C2orf81: variants seen among roughly 807,000 people sequenced by gnomAD.
The protein encoded by C2orf81 is chromosome 2 open reading frame 81.
A neutral mutation model predicts 7.9 loss-of-function variants in C2orf81; 5 were observed. The observed-to-expected ratio is 0.63, with a 90% confidence interval of 0.33 to 1.33. The LOEUF is 1.33. Among genes scored for constraint, C2orf81 ranks in the 40% most tolerant of loss-of-function variants. C2orf81 has a pLI of 0.05. For missense variants in C2orf81, 781 were observed against 830.4 expected (o/e 0.94, Z 0.73); for synonymous variants, 346 against 367.4 (o/e 0.94, Z 0.66).
At chr2:74,418,355 G>T (rs775971834) in intron 1 of C2orf81, 5 of 1,601,014 alleles carry the variant, frequency 3.1e-6, no homozygotes, top group Non-Finnish European at 4.3e-6. Context: ...GGCTGCTTGC[G>T]CGGCCTGCCA....
rs769489963 is a variant in C2orf81 at position 74,414,374 on chromosome 2, G to T, written c.1803C>A (p.Pro601=). 9.2e-6 allele frequency: 14 copies of T among 1,519,076 alleles called. No homozygotes were observed. The highest frequency in any genetic ancestry group is 4.4e-6 in the Non-Finnish European group (5 of 1,127,674). The allele number at this position is 1,519,076 out of a possible 1,614,324, so 94.1% of individuals were successfully genotyped here. Residue 601 remains proline, a synonymous_variant, in exon 3 of 3, where the codon CCC becomes CCA. Transcript: ENST00000684111. The surrounding 1 kb of genome is among the most constrained non-coding windows in gnomAD (Gnocchi z 5.3). ...QEDKEGSTFP[P]VEQHPIQTGA... ...CTGTCTGGATGGGATGTTGCTCAAC[G>T]GGAGGAAAGGTGCTACCTTCTTTGT...
intron 1 of C2orf81, chr2:74,417,248 TG>T: frequency 2.0e-6 from 1 of 503,522 alleles, no homozygotes; most frequent in Non-Finnish European, 3.2e-6. Flanking sequence ...GGGCTGGGAG[TG>T]GGAAGGGTGA....
rs1469206564 is a variant in C2orf81, at chr2:74,414,303, T to G, written c.*26A>C. The G allele has an allele frequency of 4.2e-6, 6 of 1,442,096 alleles. No individual in the cohort carries two copies. The highest frequency in any genetic ancestry group is 4.6e-6 in the Non-Finnish European group (5 of 1,089,710). 89.3% of individuals were successfully genotyped at this position (1,442,096 alleles called of 1,614,324 possible). On this transcript the variant is annotated 3_prime_UTR_variant, in exon 3 of 3. Coordinates refer to ENST00000684111, the MANE Select transcript of C2orf81 (RefSeq NM_001316764.3). This position sits in a 1 kb window ranked among gnomAD's most constrained non-coding sequence, Gnocchi z 5.3. ...AGGAGCGTGACCACACTTTGGGGGC[T>G]GAGTTCTTCATTAGCTGTGCTACGG...
intron 1 of C2orf81, chr2:74,418,589 G>C: frequency 1.6e-6 from 1 of 644,504 alleles, no homozygotes; most frequent in Non-Finnish European, 2.8e-6. Flanking sequence ...GCCCCTGGTC[G>C]CAAATGCGGA....
intron 1 of C2orf81, among the ~76,000 whole-genome samples, chr2:74,420,772 C>CTTCTT (rs1447897460): frequency 2.8e-5 from 2 of 72,678 alleles, no homozygotes; most frequent in East Asian, 5.2e-4. Flanking sequence ...TCTTCTTCTT[C>CTTCTT]TTTTTTTTTT....
chr2:74,417,331 G>A lies in C2orf81; in HGVS notation c.19-1090C>T, dbSNP rs544985673. 2.3e-4 allele frequency: 303 copies of A among 1,296,586 alleles called. 1 individual carries two copies. The highest frequency in any genetic ancestry group is 7.5e-4 in the African/African-American group (49 of 65,714). 80.3% of individuals were successfully genotyped at this position (1,296,586 alleles called of 1,614,324 possible). ...TGGTAGAAGCAAAGTAGGGTTGGGG[G>A]AGCAGCCCCAGCCCACCTCAGGTAG... On this transcript the variant is annotated intron_variant, in intron 1 of 2. Transcript: ENST00000684111.
chr2:74,418,262 G>T, intron 1 of C2orf81: 1 of 1,602,448 alleles, frequency 6.2e-7, no homozygotes, highest in Non-Finnish European at 8.5e-7. Context: ...CTTCCCTTTG[G>T]TCGGCCCCGA....
In C2orf81 at chr2:74,415,756, C is replaced by A; in HGVS notation, c.421G>T (p.Val141Leu). The change falls in exon 3 of 3, where the codon GTG becomes TTG. Residue 141 changes from valine to leucine, a missense_variant. Physicochemically the swap from Val to Leu is conservative, Grantham distance 32. Coordinates refer to ENST00000684111, the MANE Select transcript of C2orf81 (RefSeq NM_001316764.3). This position sits in a 1 kb window ranked among gnomAD's most constrained non-coding sequence, Gnocchi z 5.5. ...CCCTCCGAGGTGGACGCGTGCAGCA[C>A]GGGCACTGAACCCTGAGCCCAGGAG... is the stretch of plus-strand genomic sequence containing the variant. The part of the protein sequence containing the change: ...TDSWAQGSVP[V>L]LHASTSEGLE... 6.4e-7 allele frequency: 1 copy of A among 1,551,610 alleles called. No individual in the cohort carries two copies. Among genetic ancestry groups the A allele is most frequent in the Non-Finnish European group, 8.7e-7 (1 of 1,147,012 alleles).
At chr2:74,417,768 G>A (rs2103837648) in intron 1 of C2orf81, 1 of 508,548 alleles carries the variant, frequency 2.0e-6, no homozygotes, top group Non-Finnish European at 3.5e-6. Flanking sequence ...GCAGAGAAGT[G>A]GCTCCCAAAC....
At chr2:74,420,116 GA>G (rs1280214715) in intron 1 of C2orf81, among the ~76,000 whole-genome samples, 1 of 152,196 alleles carries the variant, frequency 6.6e-6, no homozygotes, top group Non-Finnish European at 1.5e-5. Context: ...AACGTTAATT[GA>G]AAGAAGCAGG....
Position 74,416,231 on chromosome 2 carries a change from C to T in C2orf81, c.29G>A (p.Arg10Lys), listed in dbSNP as rs1427108443. ...GGTCACCCCGCGGTCTCGGACCTGC[C>T]TCTCCTGCCTCTGTGAGAACAAAAC... MAHEGSRQE[R>K]QVRDRGVTRS... Residue 10 changes from arginine to lysine, a missense_variant, in exon 2 of 3, where the codon AGG becomes AAG. Arg to Lys is a conservative substitution (Grantham distance 26). Transcript: ENST00000684111. The T allele has an allele frequency of 5.1e-6, 7 of 1,373,028 alleles. No individual in the cohort carries two copies. Among genetic ancestry groups the T allele is most frequent in the East Asian group, 4.1e-5 (1 of 24,674 alleles). The allele number at this position is 1,373,028 out of a possible 1,614,324, so 85.1% of individuals were successfully genotyped here. A position where few individuals can be genotyped will look rare whatever the true frequency, so the allele number is the denominator to read the frequency against.
intron 1 of C2orf81, among the ~76,000 whole-genome samples, chr2:74,419,250 C>G (rs531623675): frequency 1.3e-5 from 2 of 152,030 alleles, no homozygotes; most frequent in African/African-American, 4.8e-5. Flanking sequence ...GTGGCGCACA[C>G]CCACAGTACC....
rs545383735 is a variant in C2orf81, at chr2:74,417,770, C to T, written c.19-1529G>A. 5.0e-4 allele frequency: 253 copies of T among 508,272 alleles called. 3 individuals are homozygous for T. The highest frequency in any genetic ancestry group is 3.2e-3 in the South Asian group (187 of 58,486). 31.5% of individuals were successfully genotyped at this position (508,272 alleles called of 1,614,324 possible). A position where few individuals can be genotyped will look rare whatever the true frequency, so the allele number is the denominator to read the frequency against. On this transcript the variant is annotated intron_variant, in intron 1 of 2. Transcript: ENST00000684111. Reference sequence around the variant, plus strand: ...CAACAGTGGAGGAGCAGAGAAGTGGCTCCCAAACCAAAAGCCCAGAGAGCA... The same window carrying T: ...CAACAGTGGAGGAGCAGAGAAGTGGTTCCCAAACCAAAAGCCCAGAGAGCA...
intron 1 of C2orf81, among the ~76,000 whole-genome samples, chr2:74,420,944 G>T (rs946096839): frequency 2.0e-5 from 3 of 151,874 alleles, no homozygotes; most frequent in African/African-American, 7.3e-5. Flanking sequence ...ACCACATCCA[G>T]CTAATTTTTT....
Position 74,414,229 on chromosome 2 carries a change from A to C in C2orf81, c.*100T>G, listed in dbSNP as rs951360058. 1 of 1,209,464 alleles carries C rather than the reference A, an allele frequency of 8.3e-7. No individual in the cohort carries two copies. The highest frequency in any genetic ancestry group is 2.3e-5 in the South Asian group (1 of 44,252). 74.9% of individuals were successfully genotyped at this position (1,209,464 alleles called of 1,614,324 possible). Reference sequence around the variant, plus strand: ...TTTCTGGCTAGCAGAGGGAGGGACCAGTTACTACTGCCAGAGGCTCAGGGA... The same window carrying C: ...TTTCTGGCTAGCAGAGGGAGGGACCCGTTACTACTGCCAGAGGCTCAGGGA... On this transcript the variant is annotated 3_prime_UTR_variant, in exon 3 of 3. Transcript: ENST00000684111. This position sits in a 1 kb window ranked among gnomAD's most constrained non-coding sequence, Gnocchi z 5.3.
intron 1 of C2orf81, chr2:74,418,537 G>T: frequency 3.7e-6 from 3 of 810,406 alleles, no homozygotes; most frequent in South Asian, 1.4e-5. Context: ...GCCGGGAGCA[G>T]CGGTGCTGGG....
At chr2:74,418,166 C>T in intron 1 of C2orf81, 1 of 1,078,348 alleles carries the variant, frequency 9.3e-7, no homozygotes, top group Non-Finnish European at 1.4e-6. Context: ...TTCTCTTCCT[C>T]CTTCTCCAGT....
chr2:74,419,197 A>C (rs1287693681), intron 1 of C2orf81, among the ~76,000 whole-genome samples: 1 of 151,876 alleles, frequency 6.6e-6, no homozygotes, highest in Non-Finnish European at 1.5e-5. Context: ...GAAAAAAAAA[A>C]CTAATAAAAT....
At chr2:74,418,390 T>G in intron 1 of C2orf81, 1 of 1,587,466 alleles carries the variant, frequency 6.3e-7, no homozygotes, top group Non-Finnish European at 8.6e-7. Context: ...AGTGCCGTCC[T>G]TTTTCTGCTT....
Sources: allele counts gnomAD v4.1 joint callset (sites outside exome capture counted in the v4.1 genomes callset), GRCh38; gene constraint gnomAD v4.1.1; non-coding constraint Gnocchi (gnomAD v3.1); transcripts MANE v1.5; gene names NCBI Gene and HGNC (gene_info 2026-07-23, HGNC 2026-07-21).